Variants in ALOX5 observed in about 807,000 individuals in gnomAD.
The protein encoded by ALOX5 is polyunsaturated fatty acid 5-lipoxygenase.
ALOX5 carries 64 observed loss-of-function variants against 87.9 expected under a neutral mutation model. The observed-to-expected ratio is 0.73, with a 90% CI of 0.60 to 0.90. ALOX5 has a LOEUF of 0.90. Among genes scored for constraint, ALOX5 ranks in the 40% least tolerant of loss-of-function variants. The pLI is 0.00. For synonymous variants in ALOX5, 388 were observed against 355.1 expected (o/e 1.09, Z -1.04); for missense variants, 822 against 907.5 (o/e 0.91, Z 1.21).
intron 2 of ALOX5, among the ~76,000 whole-genome samples, chr10:45,384,833 C>CTATTATTATTATTATTAT (rs369749993): frequency 8.2e-4 from 123 of 149,242 alleles, no homozygotes; most frequent in African/African-American, 1.5e-3. Context: ...AATTTGTGGC[C>CTATTATTATTATTATTAT]TATTATTATT....
intron 5 of ALOX5, among the ~76,000 whole-genome samples, chr10:45,424,717 C>A (rs2132806736): frequency 6.6e-6 from 1 of 152,304 alleles, no homozygotes; most frequent in Non-Finnish European, 1.5e-5. Flanking sequence ...CCATGCTGGG[C>A]TGAAGGACCT....
chr10:45,382,514 A>T lies in ALOX5; in HGVS notation c.182A>T (p.Glu61Val). ...VDSYDVTVDE[E>V]LGEIQLVRIE... The stretch of plus-strand genomic sequence containing the variant: ...TCATACGACGTGACTGTGGACGAGG[A>T]ACTGGGCGAGATCCAGCTGGTCAGA... The change falls in exon 2 of 14, where the codon GAA (glutamate) becomes GTA (valine). Residue 61 changes from glutamate to valine, a missense_variant. By Grantham distance (121) the Glu-to-Val change is moderately radical (BLOSUM62 -2). Coordinates refer to ENST00000374391, the MANE Select transcript of ALOX5 (RefSeq NM_000698.5). 1 of 1,614,174 alleles carries T rather than the reference A, an allele frequency of 6.2e-7. No homozygotes were observed.
chr10:45,420,604 G>T (rs1455299209), intron 4 of ALOX5, among the ~76,000 whole-genome samples: 1 of 152,198 alleles, frequency 6.6e-6, no homozygotes, highest in Non-Finnish European at 1.5e-5. Flanking sequence ...TGAAGTCACC[G>T]AGGAGGCCTT....
intron 2 of ALOX5, among the ~76,000 whole-genome samples, chr10:45,394,922 G>C (rs1259327027): frequency 6.6e-6 from 1 of 152,174 alleles, no homozygotes; most frequent in Non-Finnish European, 1.5e-5. Context: ...TCTCACACCA[G>C]TTACAATGGC....
chr10:45,375,346 G>A (rs962241709), intron 1 of ALOX5, among the ~76,000 whole-genome samples: 4 of 152,162 alleles, frequency 2.6e-5, no homozygotes, highest in African/African-American at 4.8e-5. Context: ...AGTTCTCACT[G>A]AGCCTTTAAT....
Position 45,428,620 on chromosome 10 carries a change from A to G in ALOX5, c.837A>G (p.Gln279=). 1 of 1,614,108 alleles carries G rather than the reference A, an allele frequency of 6.2e-7. No individual in the cohort carries two copies. The highest frequency in any genetic ancestry group is 1.3e-5 in the African/African-American group (1 of 75,034). ...RQLSLEQEVQ[Q]GNIFIVDFEL... is the part of the protein sequence containing the mutation. ...ACACATCTCTCTGCCTCCTGCAGCAAGGGAACATTTTCATCGTGGACTTTG... is the reference window on the plus strand; with the variant it reads ...ACACATCTCTCTGCCTCCTGCAGCAGGGGAACATTTTCATCGTGGACTTTG... The change falls in exon 7 of 14, where the codon CAA becomes CAG. Residue 279 remains glutamine, a splice_region_variant and synonymous_variant. Coordinates refer to ENST00000374391, the MANE Select transcript of ALOX5 (RefSeq NM_000698.5).
intron 3 of ALOX5, among the ~76,000 whole-genome samples, chr10:45,401,938 T>G (rs909169665): frequency 6.6e-6 from 1 of 151,840 alleles, no homozygotes; most frequent in African/African-American, 2.4e-5. Flanking sequence ...ATACAAAAAA[T>G]TAGCCGGGCG....
chr10:45,398,726 A>G (rs982787419), intron 3 of ALOX5, among the ~76,000 whole-genome samples: 5 of 152,252 alleles, frequency 3.3e-5, no homozygotes, highest in Admixed American at 1.3e-4. Flanking sequence ...CCAAGGACCC[A>G]TTAGTCATCT....
In ALOX5 at chr10:45,425,680, C is replaced by T. The variant is rs575708688; in HGVS notation, c.834+548C>T. Among the ~76,000 whole-genome samples the T allele has an allele frequency of 6.6e-6, 1 of 152,342 alleles. No homozygotes were observed. Among genetic ancestry groups the T allele is most frequent in the African/African-American group, 2.4e-5 (1 of 41,580 alleles). On this transcript the variant is annotated intron_variant, in intron 6 of 13. Coordinates refer to ENST00000374391, the MANE Select transcript of ALOX5 (RefSeq NM_000698.5). This position sits in a 1 kb window ranked among gnomAD's most constrained non-coding sequence, Gnocchi z 4.4. ...AGCTGCCTCCGGCTGCAAGGCTGACCTAGTCTTGAGACAGAAGAAGTTCAA... is the reference window on the plus strand; with the variant it reads ...AGCTGCCTCCGGCTGCAAGGCTGACTTAGTCTTGAGACAGAAGAAGTTCAA...
intron 3 of ALOX5, among the ~76,000 whole-genome samples, chr10:45,398,550 C>G (rs1401532866): frequency 2.6e-5 from 4 of 152,008 alleles, no homozygotes; most frequent in Admixed American, 2.0e-4. Flanking sequence ...AGGACACCAT[C>G]AAGAAAGTGA....
intron 2 of ALOX5, among the ~76,000 whole-genome samples, chr10:45,393,572 C>A (rs578026391): frequency 6.6e-6 from 1 of 152,198 alleles, no homozygotes; most frequent in East Asian, 1.9e-4. Context: ...CTCACCACTC[C>A]TATTCAACAT....
At chr10:45,392,724 AAGAAG>A (rs529241412) in intron 2 of ALOX5, among the ~76,000 whole-genome samples, 123 of 151,872 alleles carry the variant, frequency 8.1e-4, no homozygotes, top group Middle Eastern at 6.8e-3. Flanking sequence ...AGAAAAAAAA[AAGAAG>A]AGAAGAATCA....
At chr10:45,382,352 T>G in intron 1 of ALOX5, 131 bp from the exon 2 acceptor site, 1 of 932,304 alleles carries the variant, frequency 1.1e-6, no homozygotes, top group Non-Finnish European at 1.6e-6. Flanking sequence ...ACCTGCTGTT[T>G]TTTTAAGTGC....
rs41304611 is a variant in ALOX5 at position 45,446,055 on chromosome 10, A to G, written c.*368A>G. ...ATTCCTTGCACATAGTAGGTACCCA[A>G]TTCAATTACTATTGAATGAATTAAG... is the stretch of plus-strand genomic sequence containing the variant. On this transcript the variant is annotated 3_prime_UTR_variant, in exon 14 of 14. Transcript: ENST00000374391. 2,697 of 230,872 alleles carry G rather than the reference A, an allele frequency of 0.012. 36 individuals carry two copies. The highest frequency in any genetic ancestry group is 0.018 in the Non-Finnish European group (2,144 of 119,670). The allele number at this position is 230,872 out of a possible 1,614,324, so 14.3% of individuals were successfully genotyped here.
At chr10:45,424,261 C>A in intron 5 of ALOX5, 114 bp downstream of exon 5, 3 of 862,666 alleles carry the variant, frequency 3.5e-6, no homozygotes, top group Non-Finnish European at 5.8e-6. Context: ...GCATGGGGGC[C>A]TCGCTGCCAC....
In ALOX5 at chr10:45,444,141, A is replaced by T; in HGVS notation, c.1700A>T (p.Asn567Ile). Residue 567 changes from asparagine (N) to isoleucine (I), a missense_variant, in exon 13 of 14, where the codon AAT becomes ATT. Transcript: ENST00000374391. ...GQYDWCSWIPNAPPTMRAPPP... is the reference protein window; with the variant it reads ...GQYDWCSWIPIAPPTMRAPPP... ...TACGACTGGTGCTCCTGGATCCCCAATGCGCCCCCAACCATGCGAGCCCCG... is the reference window on the plus strand; with the variant it reads ...TACGACTGGTGCTCCTGGATCCCCATTGCGCCCCCAACCATGCGAGCCCCG... 1.3e-6 allele frequency: 2 copies of T among 1,549,586 alleles called. No homozygotes were observed. The highest frequency in any genetic ancestry group is 4.9e-5 in the East Asian group (2 of 41,056).
In ALOX5 at chr10:45,403,320, C is replaced by G. The variant is rs113914656; in HGVS notation, c.431+7384C>G. The stretch of plus-strand genomic sequence containing the variant: ...TGCTAACATGGACAAACCTCACTGA[C>G]GCAGTGTTGAAGGAAAGAAGCCAGG... On this transcript the variant is annotated intron_variant, in intron 3 of 13. Transcript: ENST00000374391. Among the ~76,000 whole-genome samples the G allele has an allele frequency of 3.7e-3, 559 of 152,276 alleles. 3 individuals are homozygous for G. The highest frequency in any genetic ancestry group is 0.013 in the African/African-American group (537 of 41,544).
Position 45,443,627 on chromosome 10 carries a change from G to T in ALOX5, c.1573+90G>T, listed in dbSNP as rs535300245. ...ACCCCTCCGGGGTGTCCTGCCCAGG[G>T]TGCCCTCCGGCCTTGGGGCAGGGAA... On this transcript the variant is annotated intron_variant, in intron 11 of 13. Transcript: ENST00000374391. 4.4e-6 allele frequency: 7 copies of T among 1,594,932 alleles called. No individual in the cohort carries two copies. In the African/African-American group the frequency reaches 8.1e-5, roughly 18 times the overall value.
intron 1 of ALOX5, among the ~76,000 whole-genome samples, chr10:45,382,020 C>T (rs148088078): frequency 3.3e-5 from 5 of 152,328 alleles, no homozygotes; most frequent in Admixed American, 6.5e-5. Flanking sequence ...ACAAGTTGTA[C>T]GTGGCATGGG....
Sources: gnomAD v4.1 joint callset for allele counts (sites outside exome capture counted in the v4.1 genomes callset) on GRCh38, gnomAD v4.1.1 for gene constraint, Gnocchi (gnomAD v3.1) non-coding constraint, MANE v1.5 for transcripts, NCBI Gene and HGNC (gene_info 2026-07-23, HGNC 2026-07-21) for gene names.